The following AGFG2 variants were observed in gnomAD, a reference collection of about 807,000 sequenced individuals.
The protein encoded by AGFG2 is arf-GAP domain and FG repeat-containing protein 2.
In AGFG2, 31 loss-of-function variants were observed where a neutral mutation model predicts 48.0. The observed-to-expected ratio is 0.65, with a 90% CI of 0.49 to 0.87. The LOEUF is 0.87. Ranked by LOEUF, AGFG2 falls within the 40% of genes least tolerant of loss-of-function variation. AGFG2 has a pLI of 0.00. For missense variants in AGFG2, 599 were observed against 632.6 expected (o/e 0.95, Z 0.57); for synonymous variants, 229 against 260.8 (o/e 0.88, Z 1.18).
intron 2 of AGFG2, 76 bp from the exon 3 acceptor site, chr7:100,550,305 CAAAAAAAAAAAAAAA>C: frequency 6.8e-6 from 2 of 292,312 alleles, no homozygotes; most frequent in East Asian, 9.2e-5. Context: ...GACTCCGTCT[CAAAAAAAAAAAAAAA>C]AAAAAAAAAA....
chr7:100,541,434 C>T (rs939979079), intron 1 of AGFG2, among the ~76,000 whole-genome samples: 6 of 151,662 alleles, frequency 4.0e-5, no homozygotes, highest in Admixed American at 1.3e-4. Flanking sequence ...GATAGAGACT[C>T]GAGAGTGGGT....
chr7:100,555,151 C>G (rs908196286), intron 5 of AGFG2, among the ~76,000 whole-genome samples: 1 of 152,098 alleles, frequency 6.6e-6, no homozygotes, highest in Non-Finnish European at 1.5e-5. Flanking sequence ...TGAAGAGAAC[C>G]CTGTGGAAAG....
At chr7:100,542,553 A>G (rs1800441302) in intron 1 of AGFG2, among the ~76,000 whole-genome samples, 1 of 152,230 alleles carries the variant, frequency 6.6e-6, no homozygotes, top group African/African-American at 2.4e-5. Context: ...GAGTTTCCCT[A>G]TAATTAGCAT....
rs1226780844 is a variant in AGFG2, at chr7:100,551,061, TATATA to T, written c.431+551_431+555del. ...ATATATATATATATATATATATATA[TATATA>T]TTTCTTTTTTTTTTTTTTTTTGAGA... On this transcript the variant is annotated intron_variant, in intron 3 of 11. Transcript: ENST00000300176. 3.2e-3 allele frequency among the ~76,000 whole-genome samples: 362 copies of T among 113,130 alleles called. 14 individuals are homozygous for T. Among genetic ancestry groups the T allele is most frequent in the African/African-American group, 0.013 (336 of 26,256 alleles). The allele number at this position is 113,130 out of a possible 152,430, so 74.2% of individuals were successfully genotyped here.
intron 2 of AGFG2, among the ~76,000 whole-genome samples, chr7:100,550,077 G>A (rs564644739): frequency 6.6e-6 from 1 of 152,332 alleles, no homozygotes; most frequent in East Asian, 1.9e-4. Context: ...GGGTAGCTGA[G>A]GTGGGCAGAT....
rs1584392002 is a variant in AGFG2, at chr7:100,562,617, T to G, written c.1022T>G (p.Val341Gly). 1.2e-5 allele frequency: 19 copies of G among 1,612,298 alleles called. No homozygotes were observed. Among genetic ancestry groups the G allele is most frequent in the Non-Finnish European group, 1.5e-5 (18 of 1,179,864 alleles). Residue 341 changes from valine (V) to glycine (G), a missense_variant, in exon 8 of 12, where the codon GTC (valine) becomes GGC (glycine). Coordinates refer to ENST00000300176, the MANE Select transcript of AGFG2 (RefSeq NM_006076.5). This position sits in a 1 kb window ranked among gnomAD's most constrained non-coding sequence, Gnocchi z 5.4. ...AGCCTCTTCGGGATGGCTGGCCAGG[T>G]CCCCCCGCTCCAGTCTGTCACGATG... The part of the protein sequence containing the change: ...PSSLFGMAGQ[V>G]PPLQSVTMGG...
At chr7:100,548,205 G>C (rs1412543370) in intron 1 of AGFG2, among the ~76,000 whole-genome samples, 1 of 152,034 alleles carries the variant, frequency 6.6e-6, no homozygotes, top group African/African-American at 2.4e-5. Flanking sequence ...GCTAGAGGAG[G>C]CTTCTGGATG....
intron 6 of AGFG2, among the ~76,000 whole-genome samples, chr7:100,556,990 G>A (rs1800771688): frequency 6.6e-6 from 1 of 152,182 alleles, no homozygotes; most frequent in Non-Finnish European, 1.5e-5. Flanking sequence ...CTGAGGTCAG[G>A]AGTTTGACAT....
At chr7:100,555,013 C>T (rs1267207314) in intron 5 of AGFG2, among the ~76,000 whole-genome samples, 1 of 151,538 alleles carries the variant, frequency 6.6e-6, no homozygotes, top group Non-Finnish European at 1.5e-5. Flanking sequence ...AAACTAGGCC[C>T]TGACAAAAAT....
In AGFG2 at chr7:100,539,582, G is replaced by A. The variant is rs1397626573; in HGVS notation, c.221+15G>A. 4.0e-6 allele frequency: 5 copies of A among 1,248,872 alleles called. No individual in the cohort carries two copies. The highest frequency in any genetic ancestry group is 1.6e-5 in the African/African-American group (1 of 64,480). The allele number at this position is 1,248,872 out of a possible 1,614,324, so 77.4% of individuals were successfully genotyped here. A position where few individuals can be genotyped will look rare whatever the true frequency, so the allele number is the denominator to read the frequency against. ...TCCGGCCTCCTGTGAGTGACCGGGA[G>A]GGAGTGGCCGAGGTCGGCGTGGGGG... On this transcript the variant is annotated intron_variant, in intron 1 of 11. Coordinates refer to ENST00000300176, the MANE Select transcript of AGFG2 (RefSeq NM_006076.5).
At chr7:100,550,274 T>TCCAGC in intron 2 of AGFG2, 122 bp from the exon 3 acceptor site, 1 of 644,696 alleles carries the variant, frequency 1.6e-6, no homozygotes. Flanking sequence ...GCCACTGCAC[T>TCCAGC]CCAGCCCGGC....
intron 5 of AGFG2, among the ~76,000 whole-genome samples, chr7:100,555,263 GTTTTTTTTT>G (rs1166680394): frequency 1.3e-5 from 1 of 75,148 alleles, no homozygotes; most frequent in African/African-American, 6.1e-5. Context: ...TGTGTGTGTG[GTTTTTTTTT>G]TTTTTTTTTT....
intron 5 of AGFG2, among the ~76,000 whole-genome samples, chr7:100,555,280 T>G (rs1305581963): frequency 7.1e-6 from 1 of 141,172 alleles, no homozygotes; most frequent in Non-Finnish European, 1.5e-5. Context: ...TTTTTTTTTT[T>G]TTTTTTTTTT....
chr7:100,564,828 C>T (rs950465578), intron 11 of AGFG2, 104 bp from the exon 12 acceptor site: 1 of 1,304,268 alleles, frequency 7.7e-7, no homozygotes, highest in Non-Finnish European at 1.1e-6. Flanking sequence ...TTCCCACTGC[C>T]CTCAGCATAG....
chr7:100,558,845 GCAGT>G (rs1003469763), intron 6 of AGFG2, among the ~76,000 whole-genome samples: 25 of 152,238 alleles, frequency 1.6e-4, no homozygotes, highest in African/African-American at 5.3e-4. Flanking sequence ...GTCTCAAAAA[GCAGT>G]CAGTCACTGG....
intron 10 of AGFG2, 40 bp downstream of exon 10, chr7:100,564,002 A>G (rs1800940641): frequency 6.3e-7 from 1 of 1,598,262 alleles, no homozygotes; most frequent in Non-Finnish European, 8.5e-7. Flanking sequence ...ACCCCATCCC[A>G]TCTCTGCATA....
chr7:100,557,073 C>T (rs1800774231), intron 6 of AGFG2, among the ~76,000 whole-genome samples: 1 of 151,942 alleles, frequency 6.6e-6, no homozygotes, highest in South Asian at 2.1e-4. Flanking sequence ...TGGCAGGCAC[C>T]TGTAATCCCA....
In AGFG2 at chr7:100,553,330, A is replaced by C. The variant is rs745408641; in HGVS notation, c.432-17A>C. On this transcript the variant is annotated splice_polypyrimidine_tract_variant and intron_variant, in intron 3 of 11. Coordinates refer to ENST00000300176, the MANE Select transcript of AGFG2 (RefSeq NM_006076.5). ...GTTTTATCCCTCTCTTTACAGCCTA[A>C]CTATTCTTTCTCAAAGGTATGTCCC... 1.9e-6 allele frequency: 3 copies of C among 1,614,032 alleles called. No homozygotes were observed. The Admixed American group carries it at 5.0e-5, about 27-fold the overall frequency.
intron 6 of AGFG2, among the ~76,000 whole-genome samples, chr7:100,560,799 A>G (rs939051776): frequency 2.0e-5 from 3 of 146,884 alleles, no homozygotes; most frequent in Non-Finnish European, 4.5e-5. Context: ...TGGCATGTGG[A>G]AGATCTCCCT....
Sources: allele counts gnomAD v4.1 joint callset (sites outside exome capture counted in the v4.1 genomes callset), GRCh38; gene constraint gnomAD v4.1.1; non-coding constraint Gnocchi (gnomAD v3.1); transcripts MANE v1.5; gene names NCBI Gene and HGNC (gene_info 2026-07-23, HGNC 2026-07-21).